QSOX1: variants seen among roughly 807,000 people sequenced by gnomAD.
QSOX1 encodes the protein sulfhydryl oxidase 1.
A neutral mutation model predicts 76.1 loss-of-function variants in QSOX1; 40 were observed. That is an observed-to-expected ratio of 0.53 (90% confidence interval 0.41 to 0.68). The LOEUF (loss-of-function observed/expected upper bound fraction) is 0.68. Among genes scored for constraint, QSOX1 ranks in the 30% least tolerant of loss-of-function variants. The probability of loss-of-function intolerance (pLI) is 0.00; values close to 1 mark genes in which losing one functional copy is unlikely to be tolerated. For synonymous variants in QSOX1, 392 were observed against 413.1 expected, an observed-to-expected ratio of 0.95 and a Z score of 0.62; for missense variants, 931 against 974.3, an observed-to-expected ratio of 0.96 and a Z score of 0.59.
chr1:180,177,293 C>T (rs568547479), intron 4 of QSOX1, among the ~76,000 whole-genome samples: 5 of 150,722 alleles, frequency 3.3e-5, no homozygotes, highest in Admixed American at 2.0e-4. Context: ...CGCTCTGTTG[C>T]CCAGGCTGGG....
At chr1:180,177,179 C>T (rs921523919) in intron 4 of QSOX1, among the ~76,000 whole-genome samples, 1 of 152,060 alleles carries the variant, frequency 6.6e-6, no homozygotes, top group Non-Finnish European at 1.5e-5. Context: ...ATCCTCATGG[C>T]ACATTTTCAG....
At chr1:180,171,233 G>A (rs1662751469) in intron 2 of QSOX1, among the ~76,000 whole-genome samples, 1 of 152,142 alleles carries the variant, frequency 6.6e-6, no homozygotes, top group East Asian at 1.9e-4. Flanking sequence ...ATCATCTGTC[G>A]GGCCTGGTCT....
chr1:180,177,408 C>T (rs1443316359), intron 4 of QSOX1, among the ~76,000 whole-genome samples: 1 of 152,158 alleles, frequency 6.6e-6, no homozygotes, highest in Non-Finnish European at 1.5e-5. Context: ...CGCCTGCCAC[C>T]AAGCCTGGCT....
At position 180,182,081 on chromosome 1, in the gene QSOX1, A is replaced by G. The variant is rs924574616; in HGVS notation, c.607-93A>G. On this transcript the variant is annotated intron_variant, in intron 5 of 11. Transcript: ENST00000367602. ...AGAGTCTGGAAGGAGCACAGCTGCCATCTGGGTGCCTTCACAGGTCACCGA... is the reference window on the plus strand; with the variant it reads ...AGAGTCTGGAAGGAGCACAGCTGCCGTCTGGGTGCCTTCACAGGTCACCGA... 6 of 1,331,576 alleles carry G rather than the reference A, an allele frequency of 4.5e-6. No homozygotes were observed. In the South Asian group the frequency reaches 6.5e-5, roughly 14 times the overall value. The allele number at this position is 1,331,576 out of a possible 1,614,324, so 82.5% of individuals were successfully genotyped here. A position where few individuals can be genotyped will look rare whatever the true frequency, so the allele number is the denominator to read the frequency against.
intron 10 of QSOX1, among the ~76,000 whole-genome samples, chr1:180,192,533 T>C (rs1486882069): frequency 2.6e-5 from 4 of 151,838 alleles, no homozygotes; most frequent in Non-Finnish European, 4.4e-5. Context: ...GTGGTCAGAT[T>C]TGGGGATATG....
intron 5 of QSOX1, among the ~76,000 whole-genome samples, chr1:180,181,042 C>T (rs181481717): frequency 5.6e-4 from 85 of 152,128 alleles, no homozygotes; most frequent in African/African-American, 1.8e-3. Flanking sequence ...TGTACGGTGC[C>T]GCATCTCTTA....
intron 9 of QSOX1, 88 bp from the exon 10 acceptor site, chr1:180,190,345 C>T: frequency 6.9e-7 from 1 of 1,451,702 alleles, no homozygotes. Flanking sequence ...CCTCATTTGT[C>T]TTAGGGCTGT....
rs774680958 is a variant in QSOX1, at chr1:180,178,859, A to C, written c.581A>C (p.Lys194Thr). 168 of 1,613,700 alleles carry C rather than the reference A, an allele frequency of 1.0e-4. No individual in the cohort carries two copies. The highest frequency in any genetic ancestry group is 1.4e-4 in the Non-Finnish European group (160 of 1,179,726). ...GAGTACCTGGCTCTGATCTTTGAAA[A>C]GGGAGGCTCCTACCTGGGTAGAGAG... ...NEEYLALIFEKGGSYLGREVA... is the reference protein window; with the variant it reads ...NEEYLALIFETGGSYLGREVA... The change falls in exon 5 of 12, where the codon AAG becomes ACG. Residue 194 changes from lysine to threonine, a missense_variant. By Grantham distance (78) the Lys-to-Thr change is moderately conservative. Transcript: ENST00000367602.
chr1:180,159,954 C>T (rs78243154), intron 1 of QSOX1, among the ~76,000 whole-genome samples: 1 of 152,162 alleles, frequency 6.6e-6, no homozygotes, highest in Admixed American at 6.5e-5. Flanking sequence ...TTTGGGTTTT[C>T]GGTCTTAACA....
chr1:180,194,419 G>T, intron 11 of QSOX1, 27 bp downstream of exon 11: 1 of 1,511,376 alleles, frequency 6.6e-7, no homozygotes, highest in Non-Finnish European at 8.9e-7. Flanking sequence ...CCCAAGGCTG[G>T]AGTCACTTGT....
chr1:180,197,984 C>G lies in QSOX1; in HGVS notation c.*947C>G. The G allele has an allele frequency of 2.8e-6, 1 of 358,448 alleles. No individual in the cohort carries two copies. Among genetic ancestry groups the G allele is most frequent in the Non-Finnish European group, 5.6e-6 (1 of 177,990 alleles). 22.2% of individuals were successfully genotyped at this position (358,448 alleles called of 1,614,324 possible). On this transcript the variant is annotated 3_prime_UTR_variant, in exon 12 of 12. Coordinates refer to ENST00000367602, the MANE Select transcript of QSOX1 (RefSeq NM_002826.5). ...GCCTTACACATGCTTGATTCCCACG[C>G]TACCCCCTGCCTTGGGAGGTGTGTG...
chr1:180,155,166 G>C lies in QSOX1; in HGVS notation c.259G>C (p.Val87Leu), dbSNP rs745855911. 5.3e-6 allele frequency: 8 copies of C among 1,507,268 alleles called. No homozygotes were observed. In the African/African-American group the frequency reaches 1.0e-4, roughly 19 times the overall value. The allele number at this position is 1,507,268 out of a possible 1,614,324, so 93.4% of individuals were successfully genotyped here. Reference sequence around the variant, plus strand: ...GACGTGGAAGGCGCTGGCCGAAGACGTCAAAGGTGAGAAGCGGGGGCGGCC... The same window carrying C: ...GACGTGGAAGGCGCTGGCCGAAGACCTCAAAGGTGAGAAGCGGGGGCGGCC... ...APTWKALAEDVKAWRPALYLA... is the reference protein window; with the variant it reads ...APTWKALAEDLKAWRPALYLA... The change falls in exon 1 of 12, where the codon GTC (valine) becomes CTC (leucine). Residue 87 changes from valine (V) to leucine (L), a missense_variant. Coordinates refer to ENST00000367602, the MANE Select transcript of QSOX1 (RefSeq NM_002826.5).
At chr1:180,158,768 G>T (rs918264346) in intron 1 of QSOX1, among the ~76,000 whole-genome samples, 2 of 152,168 alleles carry the variant, frequency 1.3e-5, no homozygotes, top group African/African-American at 4.8e-5. Context: ...GGGTAAATCT[G>T]TGCCTCTGTC....
intron 6 of QSOX1, 119 bp downstream of exon 6, chr1:180,182,438 T>G: frequency 7.2e-7 from 1 of 1,382,732 alleles, no homozygotes; most frequent in Non-Finnish European, 1.0e-6. Context: ...AAGAGCCCCC[T>G]CAGGAGAAGC....
chr1:180,165,732 C>T (rs574634621), intron 1 of QSOX1, among the ~76,000 whole-genome samples: 20 of 152,352 alleles, frequency 1.3e-4, no homozygotes, highest in East Asian at 5.8e-4. Context: ...TGGATGCTCA[C>T]GGGGCACCTG....
At chr1:180,176,842 C>T (rs1289829878) in intron 4 of QSOX1, among the ~76,000 whole-genome samples, 1 of 151,924 alleles carries the variant, frequency 6.6e-6, no homozygotes, top group East Asian at 1.9e-4. Context: ...GAAGGCCTCA[C>T]AAGGCCGCTG....
rs1205196298 is a variant in QSOX1 at position 180,190,584 on chromosome 1, C to T, written c.1288+4C>T. 17 of 1,610,286 alleles carry T rather than the reference C, an allele frequency of 1.1e-5. No individual in the cohort carries two copies. The highest frequency in any genetic ancestry group is 4.0e-5 in the African/African-American group (3 of 74,882). ...GTAGACCACTCACAGGAAGCAGGTA[C>T]GTCCAGGACCCGTTCACCCCACTGT... On this transcript the variant is annotated splice_donor_region_variant and intron_variant, in intron 10 of 11. Transcript: ENST00000367602.
chr1:180,155,948 C>A (rs1662367903), intron 1 of QSOX1, among the ~76,000 whole-genome samples: 2 of 152,156 alleles, frequency 1.3e-5, no homozygotes, highest in South Asian at 4.1e-4. Context: ...TCCTGAATTC[C>A]AAGACACCAT....
chr1:180,189,620 G>A lies in QSOX1; in HGVS notation c.1086G>A (p.Lys362=). The change falls in exon 9 of 12, where the codon AAG becomes AAA. Residue 362 remains lysine, a synonymous_variant. Transcript: ENST00000367602. ...TGAATGAATGGCTCAAGAGGCAGAA[G>A]AGAAATAAAATTCCCTACAGTTTCT... ...HSVNEWLKRQ[K]RNKIPYSFFK... is the part of the protein sequence containing the mutation. 8 of 1,613,624 alleles carry A rather than the reference G, an allele frequency of 5.0e-6. No homozygotes were observed. Among genetic ancestry groups the A allele is most frequent in the Non-Finnish European group, 6.8e-6 (8 of 1,179,666 alleles).
Sources: allele counts gnomAD v4.1 joint callset (sites outside exome capture counted in the v4.1 genomes callset), GRCh38; gene constraint gnomAD v4.1.1; transcripts MANE v1.5; gene names NCBI Gene and HGNC (gene_info 2026-07-23, HGNC 2026-07-21).